SLC24A2: variants seen among roughly 807,000 people sequenced by gnomAD.
The protein encoded by SLC24A2 is sodium/potassium/calcium exchanger 2.
A neutral mutation model predicts 62.0 loss-of-function variants in SLC24A2; 36 were observed. The observed-to-expected ratio is 0.58, with a 90% CI of 0.44 to 0.77. SLC24A2 has a LOEUF of 0.77. SLC24A2 is among the 30% of genes least tolerant of loss of function. The pLI is 0.00. For synonymous variants in SLC24A2, 358 were observed against 294.0 expected (o/e 1.22, Z -2.23); for missense variants, 846 against 817.9 (o/e 1.03, Z -0.42).
chr9:20,270,792 T>C, the SLC24A2 span, among the ~76,000 whole-genome samples: 1 of 152,232 alleles, frequency 6.6e-6, no homozygotes, highest in Non-Finnish European at 1.5e-5. Context: ...CATAAATTTA[T>C]TTTAAAAACA....
rs886786766 is a variant in SLC24A2, at chr9:19,513,545, T to A, written c.*2608A>T. 1.3e-5 allele frequency: 2 copies of A among 152,096 alleles called. No homozygotes were observed. Among genetic ancestry groups the A allele is most frequent in the East Asian group, 3.9e-4 (2 of 5,170 alleles). 9.4% of individuals were successfully genotyped at this position (152,096 alleles called of 1,614,324 possible). On this transcript the variant is annotated 3_prime_UTR_variant, in exon 11 of 11. Coordinates refer to ENST00000341998, the MANE Select transcript of SLC24A2 (RefSeq NM_020344.4). ...ACTTCACATGAAAGACCACAACACT[T>A]CCTGTGAAGTGGAGCTCCGAGACAA...
intron 8 of SLC24A2, among the ~76,000 whole-genome samples, chr9:19,534,647 T>G (rs540802386): frequency 6.6e-6 from 1 of 152,172 alleles, no homozygotes; most frequent in African/African-American, 2.4e-5. Context: ...CTGACAATGA[T>G]AGTTTCCAGC....
intron 2 of SLC24A2, among the ~76,000 whole-genome samples, chr9:19,624,139 TCA>T (rs1409711820): frequency 1.3e-5 from 2 of 152,178 alleles, no homozygotes; most frequent in African/African-American, 4.8e-5. Flanking sequence ...ACAAATGGCC[TCA>T]CAGTCTACAG....
the SLC24A2 span, among the ~76,000 whole-genome samples, chr9:20,163,473 A>C: frequency 1.3e-5 from 2 of 152,164 alleles, no homozygotes; most frequent in African/African-American, 2.4e-5. Context: ...TGCTCAAGGA[A>C]ATAAAAGAGG....
chr9:19,963,803 C>T, the SLC24A2 span, among the ~76,000 whole-genome samples: 1 of 152,134 alleles, frequency 6.6e-6, no homozygotes, highest in Non-Finnish European at 1.5e-5. Context: ...TTGTGGAAGT[C>T]AGTGTGGCGA....
chr9:19,520,898 C>T lies in SLC24A2; in HGVS notation c.1732G>A (p.Val578Ile), dbSNP rs1186604513. Residue 578 changes from valine (V) to isoleucine (I), a missense_variant, in exon 10 of 11, where the codon GTA becomes ATA. Val to Ile is a conservative substitution (Grantham distance 29). Transcript: ENST00000341998. ...SVGSNIFDITVGLPLPWLLYT... is the reference protein window; with the variant it reads ...SVGSNIFDITIGLPLPWLLYT... The stretch of plus-strand genomic sequence containing the variant: ...TGTAGAACTACCTCTACTCACCCTA[C>T]AGTGATGTCAAAAATGTTGCTTCCA... The T allele has an allele frequency of 6.8e-6, 11 of 1,613,770 alleles. No individual in the cohort carries two copies. Among genetic ancestry groups the T allele is most frequent in the Admixed American group, 3.3e-5 (2 of 59,988 alleles).
the SLC24A2 span, among the ~76,000 whole-genome samples, chr9:20,003,644 G>A: frequency 5.3e-5 from 8 of 152,072 alleles, no homozygotes; most frequent in Non-Finnish European, 1.0e-4. Context: ...CATTTAAAGG[G>A]CCAGGCAGTA....
At chr9:19,717,397 G>C (rs1377442945) in intron 2 of SLC24A2, among the ~76,000 whole-genome samples, 1 of 152,158 alleles carries the variant, frequency 6.6e-6, no homozygotes, top group Non-Finnish European at 1.5e-5. Context: ...GAATGAAATG[G>C]TTAGGTAAGT....
chr9:19,796,331 T>C, the SLC24A2 span, among the ~76,000 whole-genome samples: 1 of 152,210 alleles, frequency 6.6e-6, no homozygotes, highest in Non-Finnish European at 1.5e-5. Context: ...CTGATATAAC[T>C]GTTCATTTCC....
chr9:19,947,444 A>G, the SLC24A2 span, among the ~76,000 whole-genome samples: 1 of 151,440 alleles, frequency 6.6e-6, no homozygotes, highest in African/African-American at 2.4e-5. Flanking sequence ...AGAAGGAAGG[A>G]AGGGAAAGAA....
chr9:19,788,597 AGGTGGCT>A (rs1299881476), intron 1 of SLC24A2: 2 of 983,170 alleles, frequency 2.0e-6, no homozygotes, highest in African/African-American at 3.5e-5. Flanking sequence ...AGTCGTTTGT[AGGTGGCT>A]GGGGAATGGA....
the SLC24A2 span, among the ~76,000 whole-genome samples, chr9:19,813,599 A>G: frequency 8.5e-5 from 13 of 152,168 alleles, no homozygotes; most frequent in South Asian, 2.7e-3. Flanking sequence ...GATTACAGGT[A>G]TGAACCACCA....
intron 2 of SLC24A2, among the ~76,000 whole-genome samples, chr9:19,752,579 T>A (rs1437826552): frequency 8.4e-6 from 1 of 119,728 alleles, no homozygotes; most frequent in African/African-American, 2.8e-5. Flanking sequence ...GGAAAACTCC[T>A]TAAACTCACC....
At chr9:19,825,774 G>A in the SLC24A2 span, among the ~76,000 whole-genome samples, 11 of 151,990 alleles carry the variant, frequency 7.2e-5, no homozygotes, top group Admixed American at 4.6e-4. Context: ...AGCTGACAAA[G>A]TAATTATTTT....
intron 2 of SLC24A2, among the ~76,000 whole-genome samples, chr9:19,741,092 T>C (rs536030569): frequency 6.6e-6 from 1 of 152,196 alleles, no homozygotes; most frequent in East Asian, 1.9e-4. Context: ...TGTCTCACCC[T>C]TCCTGGGCAC....
chr9:19,671,187 G>A (rs1819403614), intron 2 of SLC24A2, among the ~76,000 whole-genome samples: 1 of 149,182 alleles, frequency 6.7e-6, no homozygotes, highest in South Asian at 2.2e-4. Flanking sequence ...ATGAGCATGG[G>A]ACATGTTTAT....
the SLC24A2 span, among the ~76,000 whole-genome samples, chr9:19,887,597 G>T: frequency 7.2e-5 from 11 of 152,300 alleles, no homozygotes; most frequent in East Asian, 2.1e-3. Flanking sequence ...TTCTAACACT[G>T]CTGGTGGAAT....
the SLC24A2 span, among the ~76,000 whole-genome samples, chr9:19,914,518 G>T: frequency 6.6e-6 from 1 of 151,816 alleles, no homozygotes; most frequent in Non-Finnish European, 1.5e-5. Flanking sequence ...ATTTCCTTCT[G>T]TCTAAAAAGG....
At chr9:19,868,216 A>G in the SLC24A2 span, among the ~76,000 whole-genome samples, 1 of 152,108 alleles carries the variant, frequency 6.6e-6, no homozygotes, top group African/African-American at 2.4e-5. Context: ...GTTTTCATTA[A>G]TTCAATGTAT....
Sources: gnomAD v4.1 joint callset for allele counts (sites outside exome capture counted in the v4.1 genomes callset) on GRCh38, gnomAD v4.1.1 for gene constraint, MANE v1.5 for transcripts, NCBI Gene and HGNC (gene_info 2026-07-23, HGNC 2026-07-21) for gene names.